The following CARHSP1 variants were observed in gnomAD, a reference collection of about 807,000 sequenced individuals.
CARHSP1 encodes calcium regulated heat stable protein 1, also known as calcium-regulated heat-stable protein 1.
In CARHSP1, 14 loss-of-function variants were observed where a neutral mutation model predicts 12.5. The observed-to-expected ratio is 1.12, with a 90% confidence interval of 0.74 to 1.75. The LOEUF is 1.75. CARHSP1 is among the 40% of genes most tolerant of loss of function. CARHSP1 has a pLI of 0.00. For synonymous variants in CARHSP1, 161 were observed against 82.0 expected (o/e 1.96, Z -5.20); for missense variants, 343 against 201.6 (o/e 1.70, Z -4.25).
chr16:8,860,154 C>G, intron 1 of CARHSP1: 1 of 985,454 alleles, frequency 1.0e-6, no homozygotes, highest in Non-Finnish European at 1.2e-6. Flanking sequence ...TCGCAGAGAG[C>G]TCAAGCGCCA....
Position 8,862,100 on chromosome 16 carries a change from T to C in CARHSP1, c.-7-2765A>G, listed in dbSNP as rs546962781. 8.0e-5 allele frequency among the ~76,000 whole-genome samples: 12 copies of C among 149,298 alleles called. No individual in the cohort carries two copies. In the South Asian group the frequency reaches 2.6e-3, roughly 32 times the overall value. The stretch of plus-strand genomic sequence containing the variant: ...TCACTGCAACCTCCACCTTCTGGGT[T>C]CAAGTGATTCTCCTGCCTCAGCCTC... On this transcript the variant is annotated intron_variant, in intron 1 of 3. Transcript: ENST00000311052.
intron 1 of CARHSP1, among the ~76,000 whole-genome samples, chr16:8,860,849 G>C: frequency 6.6e-6 from 1 of 151,760 alleles, no homozygotes. Context: ...TCAGGAGTTG[G>C]AGACCAGCCT....
intron 1 of CARHSP1, chr16:8,860,426 T>A: frequency 1.0e-6 from 1 of 985,430 alleles, no homozygotes; most frequent in Non-Finnish European, 1.2e-6. Context: ...AGCAGGACAC[T>A]CGCTGTACAC....
In CARHSP1 at chr16:8,854,306, G is replaced by A. The variant is rs2061028024; in HGVS notation, c.*858C>T. On this transcript the variant is annotated 3_prime_UTR_variant, in exon 4 of 4. Transcript: ENST00000311052. Reference sequence around the variant, plus strand: ...TACCTACTCTTTTCTGGATGGATCGGGACAAAGTTTTTAAACAAAGACTGT... The same window carrying A: ...TACCTACTCTTTTCTGGATGGATCGAGACAAAGTTTTTAAACAAAGACTGT... The A allele has an allele frequency of 6.6e-6, 1 of 152,102 alleles. No individual in the cohort carries two copies. Among genetic ancestry groups the A allele is most frequent in the Admixed American group, 6.6e-5 (1 of 15,266 alleles). 9.4% of individuals were successfully genotyped at this position (152,102 alleles called of 1,614,324 possible). A position where few individuals can be genotyped will look rare whatever the true frequency, so the allele number is the denominator to read the frequency against.
chr16:8,856,719 GGACT>G (rs2061124724), intron 3 of CARHSP1, among the ~76,000 whole-genome samples: 1 of 152,160 alleles, frequency 6.6e-6, no homozygotes, highest in Non-Finnish European at 1.5e-5. Flanking sequence ...GTGCAGAGTA[GGACT>G]CTGTCTGCCC....
chr16:8,858,765 T>C, intron 2 of CARHSP1: 1 of 455,406 alleles, frequency 2.2e-6, no homozygotes, highest in Non-Finnish European at 3.9e-6. Flanking sequence ...AATGATTTAC[T>C]ATTAATAACA....
chr16:8,861,860 C>G, intron 1 of CARHSP1: 1 of 1,184,002 alleles, frequency 8.4e-7, no homozygotes, highest in Non-Finnish European at 1.1e-6. Flanking sequence ...GAGGGGAGGG[C>G]CCTGTCCAGG....
intron 3 of CARHSP1, among the ~76,000 whole-genome samples, chr16:8,857,269 T>TGTTTTTTGTTTTTTG (rs756868301): frequency 0.06 from 1,792 of 29,778 alleles, 69 homozygotes; most frequent in South Asian, 0.12. Context: ...ATCTGTTTTT[T>TGTTTTTTGTTTTTTG]TTTTTTTTTT....
intron 1 of CARHSP1, among the ~76,000 whole-genome samples, chr16:8,866,100 T>C (rs1331933067): frequency 1.3e-5 from 2 of 152,136 alleles, no homozygotes; most frequent in Non-Finnish European, 2.9e-5. Context: ...ACTACAGGCG[T>C]GTGCTACCAC....
intron 1 of CARHSP1, chr16:8,866,439 C>A: frequency 9.1e-6 from 9 of 985,352 alleles, no homozygotes; most frequent in Non-Finnish European, 1.1e-5. Flanking sequence ...CACCTGGGTT[C>A]CTCCTTTGTA....
intron 1 of CARHSP1, among the ~76,000 whole-genome samples, chr16:8,861,990 TTTTTTTTTTTTTTTTTTTTTTTTTTTTAA>T (rs2061370150): frequency 3.4e-5 from 1 of 29,808 alleles, no homozygotes. Flanking sequence ...CATAGCTGAC[TTTTTTTTTTTTTTTTTTTTTTTTTTTTAA>T]TTTGAGATGG....
intron 1 of CARHSP1, among the ~76,000 whole-genome samples, chr16:8,862,843 G>T (rs573199761): frequency 6.6e-6 from 1 of 152,038 alleles, no homozygotes; most frequent in Admixed American, 6.6e-5. Context: ...TGTCACCATC[G>T]TCGTCCTCCT....
At chr16:8,856,968 C>T (rs879509984) in intron 3 of CARHSP1, among the ~76,000 whole-genome samples, 2 of 152,130 alleles carry the variant, frequency 1.3e-5, no homozygotes, top group Non-Finnish European at 2.9e-5. Flanking sequence ...AGGAGAAAGA[C>T]CCACCCCAAA....
At chr16:8,860,399 T>C (rs1029120220) in intron 1 of CARHSP1, 1 of 985,412 alleles carries the variant, frequency 1.0e-6, no homozygotes, top group South Asian at 4.7e-5. Context: ...CTGCTGTGCT[T>C]TTGACAATTT....
chr16:8,855,827 G>A (rs926356636), intron 3 of CARHSP1, among the ~76,000 whole-genome samples: 5 of 152,154 alleles, frequency 3.3e-5, no homozygotes, highest in African/African-American at 1.2e-4. Flanking sequence ...CAGTTTCCCA[G>A]CCTGCCTTTT....
rs558617457 is a variant in CARHSP1, at chr16:8,863,376, G to A, written c.-7-4041C>T. Among the ~76,000 whole-genome samples, 5 of 152,302 alleles carry A rather than the reference G, an allele frequency of 3.3e-5. No homozygotes were observed. The South Asian group carries it at 1.0e-3, about 32-fold the overall frequency. ...GATCGGCGCACCTTGGCTTCCCAAA[G>A]TGCTGGGATTACAGGCGTGAGCCAC... On this transcript the variant is annotated intron_variant, in intron 1 of 3. Coordinates refer to ENST00000311052, the MANE Select transcript of CARHSP1 (RefSeq NM_014316.4).
Position 8,853,962 on chromosome 16 carries a change from T to G in CARHSP1, c.*1202A>C, listed in dbSNP as rs977981048. On this transcript the variant is annotated 3_prime_UTR_variant, in exon 4 of 4. Transcript: ENST00000311052. ...TTAACCGGGTGTGGTGGCGCATGCC[T>G]GTAATCCCAGCTACTCAGGAGACTG... The G allele has an allele frequency of 4.6e-5, 7 of 152,216 alleles. No homozygotes were observed. Among genetic ancestry groups the G allele is most frequent in the African/African-American group, 1.4e-4 (6 of 41,418 alleles). The allele number at this position is 152,216 out of a possible 1,614,324, so 9.4% of individuals were successfully genotyped here.
At chr16:8,861,621 G>A (rs1053448551) in intron 1 of CARHSP1, 3 of 1,289,100 alleles carry the variant, frequency 2.3e-6, no homozygotes, top group African/African-American at 3.0e-5. Context: ...TGTCGGGCTG[G>A]GAAGCTGGTG....
chr16:8,866,584 T>C (rs1035298786), intron 1 of CARHSP1: 1 of 371,220 alleles, frequency 2.7e-6, no homozygotes, highest in Non-Finnish European at 3.7e-6. Flanking sequence ...CTGGAAGCGA[T>C]AGAGGCCGAG....
Sources: gnomAD v4.1 joint callset for allele counts (sites outside exome capture counted in the v4.1 genomes callset) on GRCh38, gnomAD v4.1.1 for gene constraint, MANE v1.5 for transcripts, NCBI Gene and HGNC (gene_info 2026-07-23, HGNC 2026-07-21) for gene names.